The following THRB variants were observed in gnomAD, a reference collection of about 807,000 sequenced individuals.
THRB encodes the protein nuclear receptor subfamily 1 group A member 2.
A neutral mutation model predicts 47.8 loss-of-function variants in THRB; 12 were observed. The ratio of observed to expected loss-of-function variants is 0.25; its 90% CI spans 0.16 to 0.41. The LOEUF is 0.41. Among genes scored for constraint, THRB ranks in the 10% least tolerant of loss-of-function variants. THRB has a pLI of 1.00. For synonymous variants in THRB, 218 were observed against 212.2 expected, an observed-to-expected ratio of 1.03 and a Z score of -0.24; for missense variants, 348 against 589.2, an observed-to-expected ratio of 0.59 and a Z score of 4.24.
chr3:24,182,996 A>G (rs1280123881), intron 5 of THRB, among the ~76,000 whole-genome samples: 4 of 152,188 alleles, frequency 2.6e-5, no homozygotes, highest in Admixed American at 2.6e-4. Context: ...TGCCTGAGTT[A>G]GAATTCCAGT....
At chr3:24,283,425 G>A (rs1282481597) in intron 3 of THRB, among the ~76,000 whole-genome samples, 6 of 151,748 alleles carry the variant, frequency 4.0e-5, no homozygotes, top group African/African-American at 1.5e-4. Context: ...GTATTGATGG[G>A]ACGTATCTCA....
intron 1 of THRB, among the ~76,000 whole-genome samples, chr3:24,466,921 T>C (rs1392362065): frequency 1.3e-5 from 2 of 152,154 alleles, no homozygotes; most frequent in Non-Finnish European, 2.9e-5. Flanking sequence ...AATAATGAAG[T>C]TTGCTGCATC....
At chr3:24,366,992 CTG>C (rs923524799) in intron 1 of THRB, among the ~76,000 whole-genome samples, 3 of 152,068 alleles carry the variant, frequency 2.0e-5, no homozygotes, top group Admixed American at 2.0e-4. Flanking sequence ...TTTTCTGTGA[CTG>C]TACCACAGCC....
At position 24,248,282 on chromosome 3, in the gene THRB, T is replaced by A. The variant is rs890248197; in HGVS notation, c.-42-19281A>T. On this transcript the variant is annotated intron_variant, in intron 3 of 10. Transcript: ENST00000646209. The stretch of plus-strand genomic sequence containing the variant: ...TGAGCTATCAGGCTCAACCCCATAT[T>A]GATGCTGCTGGAGACATTTCTAAAG... 3.3e-5 allele frequency among the ~76,000 whole-genome samples: 5 copies of A among 152,178 alleles called. 1 individual carries two copies. Among genetic ancestry groups the A allele is most frequent in the African/African-American group, 1.2e-4 (5 of 41,486 alleles).
chr3:24,199,092 C>T (rs1175401974), intron 4 of THRB, among the ~76,000 whole-genome samples: 1 of 152,200 alleles, frequency 6.6e-6, no homozygotes, highest in African/African-American at 2.4e-5. Context: ...ACACCTACTA[C>T]ATGCCAGATA....
intron 4 of THRB, among the ~76,000 whole-genome samples, chr3:24,227,135 C>T (rs2047733416): frequency 6.6e-6 from 1 of 152,168 alleles, no homozygotes; most frequent in Admixed American, 6.5e-5. Context: ...TCTTTGGACA[C>T]TTTTTCAGGT....
chr3:24,222,572 G>C (rs948932044), intron 4 of THRB, among the ~76,000 whole-genome samples: 2 of 152,176 alleles, frequency 1.3e-5, no homozygotes, highest in African/African-American at 4.8e-5. Context: ...GCATGGATCT[G>C]TGGGAGAGAT....
At chr3:24,420,635 C>T (rs114843522) in intron 1 of THRB, among the ~76,000 whole-genome samples, 175 of 151,926 alleles carry the variant, frequency 1.2e-3, no homozygotes, top group African/African-American at 4.0e-3. Flanking sequence ...AAATTCAAAA[C>T]GAAACCACAA....
chr3:24,311,303 A>C (rs1323967409), intron 2 of THRB, among the ~76,000 whole-genome samples: 1 of 152,180 alleles, frequency 6.6e-6, no homozygotes, highest in Non-Finnish European at 1.5e-5. Context: ...AGAAGATGCA[A>C]TATTTCTTTT....
At chr3:24,187,731 T>C (rs1408247458) in intron 5 of THRB, among the ~76,000 whole-genome samples, 1 of 152,196 alleles carries the variant, frequency 6.6e-6, no homozygotes, top group South Asian at 2.1e-4. Flanking sequence ...ACTCTCTTCA[T>C]AGTAACTATA....
At chr3:24,480,521 T>C (rs966156406) in intron 1 of THRB, among the ~76,000 whole-genome samples, 1 of 152,182 alleles carries the variant, frequency 6.6e-6, no homozygotes, top group Non-Finnish European at 1.5e-5. Flanking sequence ...ATACTCCTTA[T>C]TAGGGCCAAT....
At chr3:24,191,021 T>C (rs902883779) in intron 4 of THRB, among the ~76,000 whole-genome samples, 2 of 152,096 alleles carry the variant, frequency 1.3e-5, no homozygotes, top group African/African-American at 4.8e-5. Flanking sequence ...GCCCTAATGA[T>C]AGAATGATGA....
rs144197069 is a variant in THRB at position 24,415,849 on chromosome 3, T to C, written c.-260-78478A>G. On this transcript the variant is annotated intron_variant, in intron 1 of 10. Transcript: ENST00000646209. The stretch of plus-strand genomic sequence containing the variant: ...TAACTTAGTGAACTTACTGAGTTGA[T>C]ACAGATCCAGACAGACTCAGTTGAT... 3.5e-3 allele frequency among the ~76,000 whole-genome samples: 531 copies of C among 152,030 alleles called. 4 individuals are homozygous for C. The highest frequency in any genetic ancestry group is 6.8e-3 in the Middle Eastern group (2 of 294).
intron 8 of THRB, among the ~76,000 whole-genome samples, chr3:24,136,148 G>T (rs757819745): frequency 1.3e-5 from 2 of 151,946 alleles, no homozygotes; most frequent in Non-Finnish European, 2.9e-5. Context: ...AAGTATGCAA[G>T]GAAATATGGC....
chr3:24,233,102 A>C (rs1485741458), intron 3 of THRB, among the ~76,000 whole-genome samples: 1 of 152,224 alleles, frequency 6.6e-6, no homozygotes, highest in Non-Finnish European at 1.5e-5. Flanking sequence ...GGAAGAGTAG[A>C]AAAGCAGGCA....
intron 1 of THRB, among the ~76,000 whole-genome samples, chr3:24,451,229 CTTTTTTTTTTT>C (rs71057674): frequency 2.1e-5 from 2 of 95,360 alleles, no homozygotes; most frequent in South Asian, 6.5e-4. Context: ...ACTACATGTA[CTTTTTTTTTTT>C]TTTTTTTTTT....
intron 6 of THRB, among the ~76,000 whole-genome samples, chr3:24,150,470 T>G (rs1623905): frequency 0.76 from 114,999 of 151,974 alleles, 43,803 homozygotes; most frequent in Middle Eastern, 0.82. Context: ...TGAGACAAAG[T>G]CACAGAATCT....
At chr3:24,245,425 G>A (rs777028215) in intron 3 of THRB, among the ~76,000 whole-genome samples, 9 of 152,112 alleles carry the variant, frequency 5.9e-5, no homozygotes, top group Non-Finnish European at 1.3e-4. Context: ...TAGAGAAGAC[G>A]GGATGTGCAC....
intron 3 of THRB, among the ~76,000 whole-genome samples, chr3:24,294,316 T>C (rs969116013): frequency 3.9e-5 from 6 of 152,148 alleles, no homozygotes; most frequent in Non-Finnish European, 8.8e-5. Flanking sequence ...AATACCACAT[T>C]GCTGAGCCCA....
Sources: allele counts gnomAD v4.1 joint callset (sites outside exome capture counted in the v4.1 genomes callset), GRCh38; gene constraint gnomAD v4.1.1; transcripts MANE v1.5; gene names NCBI Gene and HGNC (gene_info 2026-07-23, HGNC 2026-07-21).